EEFSEC: variants seen among roughly 807,000 people sequenced by gnomAD.
EEFSEC encodes the protein selenocysteine-specific elongation factor.
Under a neutral mutation model 42.1 loss-of-function variants are expected in EEFSEC, and 43 were observed. The ratio of observed to expected loss-of-function variants is 1.02; its 90% CI spans 0.80 to 1.32. EEFSEC has a LOEUF of 1.32. EEFSEC is among the 40% of genes most tolerant of loss of function. The probability of loss-of-function intolerance (pLI) is 0.00; values close to 1 mark genes in which losing one functional copy is unlikely to be tolerated. For synonymous variants in EEFSEC, 354 were observed against 339.1 expected, an observed-to-expected ratio of 1.04 and a Z score of -0.48; for missense variants, 745 against 803.6, an observed-to-expected ratio of 0.93 and a Z score of 0.88.
intron 4 of EEFSEC, among the ~76,000 whole-genome samples, chr3:128,270,986 G>A (rs1019952574): frequency 2.6e-5 from 4 of 152,096 alleles, no homozygotes; most frequent in Admixed American, 6.5e-5. Context: ...TCCTGGGCTC[G>A]GCCCAGAAAA....
intron 1 of EEFSEC, among the ~76,000 whole-genome samples, chr3:128,192,351 T>C (rs1339614707): frequency 6.6e-6 from 1 of 152,204 alleles, no homozygotes; most frequent in African/African-American, 2.4e-5. Flanking sequence ...CTCTGCGTGC[T>C]TAGAGACCAT....
At chr3:128,229,663 G>A (rs1431179432) in intron 1 of EEFSEC, among the ~76,000 whole-genome samples, 1 of 152,216 alleles carries the variant, frequency 6.6e-6, no homozygotes, top group Non-Finnish European at 1.5e-5. Flanking sequence ...TTGGCCCATG[G>A]ACATGTTTTG....
intron 1 of EEFSEC, among the ~76,000 whole-genome samples, chr3:128,161,846 T>A (rs1246064347): frequency 6.6e-6 from 1 of 152,182 alleles, no homozygotes; most frequent in East Asian, 1.9e-4. Flanking sequence ...AACCAGATTT[T>A]TTTGTGATAC....
At chr3:128,156,132 G>A (rs1944377431) in intron 1 of EEFSEC, among the ~76,000 whole-genome samples, 1 of 152,214 alleles carries the variant, frequency 6.6e-6, no homozygotes, top group African/African-American at 2.4e-5. Flanking sequence ...TTTGGAGTCA[G>A]ACAAAACTGG....
At chr3:128,302,022 G>A (rs2066774638) in intron 4 of EEFSEC, among the ~76,000 whole-genome samples, 1 of 152,154 alleles carries the variant, frequency 6.6e-6, no homozygotes. Flanking sequence ...TTTTATCAGG[G>A]CAAGTTGGTT....
intron 6 of EEFSEC, among the ~76,000 whole-genome samples, chr3:128,376,299 G>T (rs1382113234): frequency 6.6e-6 from 1 of 152,204 alleles, no homozygotes; most frequent in Non-Finnish European, 1.5e-5. Context: ...GAAACAGCAG[G>T]TGTTTGCTGC....
intron 1 of EEFSEC, among the ~76,000 whole-genome samples, chr3:128,213,334 G>A (rs1481054836): frequency 1.3e-5 from 2 of 152,218 alleles, no homozygotes; most frequent in Admixed American, 6.5e-5. Context: ...TGCTTGGCAT[G>A]TCCTTGGCAT....
chr3:128,283,418 T>C (rs1162777517), intron 4 of EEFSEC, among the ~76,000 whole-genome samples: 1 of 152,204 alleles, frequency 6.6e-6, no homozygotes, highest in African/African-American at 2.4e-5. Context: ...GCTCCAAGTA[T>C]GGTAGTGTGG....
At chr3:128,347,041 G>A (rs963496646) in intron 5 of EEFSEC, among the ~76,000 whole-genome samples, 3 of 152,134 alleles carry the variant, frequency 2.0e-5, no homozygotes, top group South Asian at 2.1e-4. Context: ...AGCACCCTGC[G>A]AGGAAAATGC....
At chr3:128,410,085 AG>A (rs144436956), downstream of EEFSEC, among the ~76,000 whole-genome samples, 6,633 of 152,232 alleles carry the variant, frequency 0.044, 490 homozygotes, top group African/African-American at 0.15. Flanking sequence ...GGGGCAGGAG[AG>A]GCCCCTCTGA....
the EEFSEC span, among the ~76,000 whole-genome samples, chr3:128,421,957 A>C: frequency 6.6e-6 from 1 of 152,112 alleles, no homozygotes; most frequent in South Asian, 2.1e-4. Flanking sequence ...TGATAACTCC[A>C]TTTCAGATGG....
intron 5 of EEFSEC, among the ~76,000 whole-genome samples, chr3:128,353,945 C>G (rs779149034): frequency 6.6e-6 from 1 of 152,124 alleles, no homozygotes; most frequent in Non-Finnish European, 1.5e-5. Context: ...GAGCAGAGTG[C>G]GAAGGATTGG....
chr3:128,295,298 A>C (rs1394199130), intron 4 of EEFSEC, among the ~76,000 whole-genome samples: 2 of 152,150 alleles, frequency 1.3e-5, no homozygotes, highest in Non-Finnish European at 2.9e-5. Flanking sequence ...CAAAGGAAGC[A>C]AGTTCAAATC....
chr3:128,354,379 G>T (rs1405327744), intron 5 of EEFSEC, among the ~76,000 whole-genome samples: 2 of 152,094 alleles, frequency 1.3e-5, no homozygotes, highest in African/African-American at 2.4e-5. Context: ...CTCCTCAGAA[G>T]GTCAAAAAAA....
the EEFSEC span, among the ~76,000 whole-genome samples, chr3:128,422,059 G>T: frequency 5.4e-3 from 825 of 152,200 alleles, 9 homozygotes; most frequent in African/African-American, 0.019. Flanking sequence ...GGTGCTGGGC[G>T]CTCAGCCAGA....
At chr3:128,268,818 G>A (rs1379222482) in intron 4 of EEFSEC, among the ~76,000 whole-genome samples, 2 of 152,158 alleles carry the variant, frequency 1.3e-5, no homozygotes, top group African/African-American at 2.4e-5. Context: ...CATCCCTGCT[G>A]ACACGTCGAT....
chr3:128,363,503 C>T (rs1239238819), intron 6 of EEFSEC, among the ~76,000 whole-genome samples: 1 of 152,188 alleles, frequency 6.6e-6, no homozygotes, highest in Non-Finnish European at 1.5e-5. Flanking sequence ...GTTGGTCATT[C>T]AGCTCAGTGG....
intron 2 of EEFSEC, among the ~76,000 whole-genome samples, chr3:128,260,198 T>C (rs1404692997): frequency 6.6e-6 from 1 of 152,182 alleles, no homozygotes; most frequent in Non-Finnish European, 1.5e-5. Flanking sequence ...GCCTCCACGA[T>C]TTCTCCTGAG....
chr3:128,242,253 A>C (rs1237591348), intron 1 of EEFSEC, among the ~76,000 whole-genome samples: 1 of 152,090 alleles, frequency 6.6e-6, no homozygotes, highest in African/African-American at 2.4e-5. Context: ...CAGGAATTCA[A>C]GGCTGCAGTG....
Sources: allele counts gnomAD v4.1 joint callset (sites outside exome capture counted in the v4.1 genomes callset), GRCh38; gene constraint gnomAD v4.1.1; transcripts MANE v1.5; gene names NCBI Gene and HGNC (gene_info 2026-07-23, HGNC 2026-07-21).